Variants in IL1RAPL1 observed in about 807,000 individuals in gnomAD.
IL1RAPL1 encodes interleukin 1 receptor accessory protein like 1.
IL1RAPL1 carries 3 observed loss-of-function variants against 48.4 expected under a neutral mutation model. The observed-to-expected ratio is 0.06, with a 90% CI of 0.03 to 0.16. The LOEUF is 0.16. IL1RAPL1 is among the 10% of genes least tolerant of loss of function. The probability of loss-of-function intolerance (pLI) is 1.00; values close to 1 mark genes in which losing one functional copy is unlikely to be tolerated. For missense variants in IL1RAPL1, 349 were observed against 530.6 expected (o/e 0.66, Z 3.36); for synonymous variants, 185 against 187.7 (o/e 0.99, Z 0.12).
chrX:29,142,471 AC>A (rs997052344), intron 2 of IL1RAPL1, among the ~76,000 whole-genome samples: 2 of 111,898 alleles, frequency 1.8e-5, no homozygotes, highest in African/African-American at 6.5e-5. Context: ...GAACAACTGG[AC>A]CTTGAATCAG....
intron 4 of IL1RAPL1, 62 bp downstream of exon 4, chrX:29,396,506 C>T: frequency 9.6e-7 from 1 of 1,038,646 alleles, no homozygotes; most frequent in Non-Finnish European, 1.4e-6. Flanking sequence ...TATTCTGGGA[C>T]AAATTGGATA....
At chrX:29,486,955 A>G (rs1234603651) in intron 5 of IL1RAPL1, among the ~76,000 whole-genome samples, 1 of 111,752 alleles carries the variant, frequency 8.9e-6, no homozygotes, top group Non-Finnish European at 1.9e-5. Flanking sequence ...ATTGTGATTC[A>G]GTAAGTCTAG....
chrX:29,834,577 G>T (rs1013281826), intron 6 of IL1RAPL1, among the ~76,000 whole-genome samples: 2 of 90,135 alleles, frequency 2.2e-5, no homozygotes, highest in Non-Finnish European at 4.3e-5. Flanking sequence ...TACCACTTTT[G>T]GTTCTACTTG....
intron 6 of IL1RAPL1, among the ~76,000 whole-genome samples, chrX:29,896,429 G>A (rs746133405): frequency 2.7e-5 from 3 of 112,305 alleles, no homozygotes; most frequent in Non-Finnish European, 5.6e-5. Context: ...TAGAGCAGTA[G>A]GGTATTATAT....
At chrX:28,927,044 G>A in intron 2 of IL1RAPL1, among the ~76,000 whole-genome samples, 1 of 110,862 alleles carries the variant, frequency 9.0e-6, no homozygotes, top group Non-Finnish European at 1.9e-5. Flanking sequence ...ACAAGTGCAT[G>A]CCACCACGCC....
chrX:28,973,816 C>T (rs886611239), intron 2 of IL1RAPL1, among the ~76,000 whole-genome samples: 1 of 111,918 alleles, frequency 8.9e-6, no homozygotes, highest in Non-Finnish European at 1.9e-5. Context: ...TTATGGTTAG[C>T]CTCTGCTTCA....
At chrX:29,891,341 T>A (rs193124147) in intron 6 of IL1RAPL1, among the ~76,000 whole-genome samples, 1 of 112,311 alleles carries the variant, frequency 8.9e-6, no homozygotes, top group Non-Finnish European at 1.9e-5. Context: ...GCTTCTGGAC[T>A]TTCCCTTGAT....
Position 29,129,171 on chromosome X carries a change from G to T in IL1RAPL1, c.83-153767G>T, listed in dbSNP as rs954041490. Among the ~76,000 whole-genome samples the T allele has an allele frequency of 2.8e-5, 3 of 107,797 alleles. No homozygotes were observed. In the Admixed American group the frequency reaches 3.1e-4, roughly 11 times the overall value. 93.6% of individuals were successfully genotyped at this position (107,797 alleles called of 115,157 possible). Reference sequence around the variant, plus strand: ...AAATTCTCCTGCCTCAGCCTGCCAAGTAGCTGGGATTACAGGCATGTGCCA... The same window carrying T: ...AAATTCTCCTGCCTCAGCCTGCCAATTAGCTGGGATTACAGGCATGTGCCA... On this transcript the variant is annotated intron_variant, in intron 2 of 10. Coordinates refer to ENST00000378993, the MANE Select transcript of IL1RAPL1 (RefSeq NM_014271.4).
intron 1 of IL1RAPL1, among the ~76,000 whole-genome samples, chrX:28,730,268 G>T (rs1448420010): frequency 9.0e-6 from 1 of 111,522 alleles, no homozygotes; most frequent in African/African-American, 3.3e-5. Flanking sequence ...CAAAAATTGA[G>T]ATGACCTGAA....
intron 2 of IL1RAPL1, among the ~76,000 whole-genome samples, chrX:28,957,640 T>C (rs943784974): frequency 2.7e-5 from 3 of 110,874 alleles, no homozygotes; most frequent in Non-Finnish European, 5.7e-5. Context: ...TGATCACTTG[T>C]AGAACGGGAT....
rs930108192 is a variant in IL1RAPL1, at chrX:28,774,155, T to A, written c.-24-15165T>A. Among the ~76,000 whole-genome samples the A allele has an allele frequency of 2.7e-5, 3 of 112,050 alleles. No homozygotes were observed. The Admixed American group carries it at 2.9e-4, about 11-fold the overall frequency. ...GACCTCAATCCTGAGCCCTCCCTTA[T>A]ATTTTTCCCTCTTTAGATGACTGCA... is the stretch of plus-strand genomic sequence containing the variant. On this transcript the variant is annotated intron_variant, in intron 1 of 10. Transcript: ENST00000378993.
intron 6 of IL1RAPL1, among the ~76,000 whole-genome samples, chrX:29,744,839 A>T (rs1005516426): frequency 3.0e-4 from 34 of 112,582 alleles, no homozygotes; most frequent in African/African-American, 1.1e-3. Context: ...GAGGAATACA[A>T]TGGTCATTGA....
At chrX:28,971,906 G>A (rs1408245225) in intron 2 of IL1RAPL1, among the ~76,000 whole-genome samples, 1 of 108,417 alleles carries the variant, frequency 9.2e-6, no homozygotes, top group Non-Finnish European at 1.9e-5. Context: ...GTGTGTGTGT[G>A]TGTGTGTGTG....
At chrX:29,375,839 G>A (rs1053418460) in intron 3 of IL1RAPL1, among the ~76,000 whole-genome samples, 4 of 112,067 alleles carry the variant, frequency 3.6e-5, no homozygotes, top group Non-Finnish European at 5.6e-5. Context: ...TTTCTAATTT[G>A]TTTGCATAGA....
chrX:29,400,380 T>C (rs1159452911), intron 5 of IL1RAPL1, among the ~76,000 whole-genome samples: 1 of 112,739 alleles, frequency 8.9e-6, no homozygotes, highest in Non-Finnish European at 1.9e-5. Context: ...TATATCCAAA[T>C]GTGCATAATT....
chrX:29,951,778 A>T (rs1220662168), intron 9 of IL1RAPL1, among the ~76,000 whole-genome samples: 1 of 111,958 alleles, frequency 8.9e-6, no homozygotes, highest in Non-Finnish European at 1.9e-5. Flanking sequence ...GTGAAGTGTG[A>T]GGTGCATGAT....
intron 5 of IL1RAPL1, among the ~76,000 whole-genome samples, chrX:29,523,802 A>G (rs755979676): frequency 2.2e-3 from 248 of 111,677 alleles, no homozygotes; most frequent in Non-Finnish European, 4.0e-3. Context: ...TTTCTATGAT[A>G]GTTTAATTTA....
intron 2 of IL1RAPL1, among the ~76,000 whole-genome samples, chrX:29,075,451 G>A (rs1464412999): frequency 2.7e-5 from 3 of 111,625 alleles, no homozygotes; most frequent in African/African-American, 9.8e-5. Flanking sequence ...TTGAGAAAGA[G>A]CAATGACACA....
At chrX:29,502,565 TA>T (rs1935286791) in intron 5 of IL1RAPL1, among the ~76,000 whole-genome samples, 1 of 111,903 alleles carries the variant, frequency 8.9e-6, no homozygotes, top group Non-Finnish European at 1.9e-5. Flanking sequence ...TTTCAGTATC[TA>T]TTGAAATGAT....
Sources: allele counts gnomAD v4.1 joint callset (sites outside exome capture counted in the v4.1 genomes callset), GRCh38; gene constraint gnomAD v4.1.1; transcripts MANE v1.5; gene names NCBI Gene and HGNC (gene_info 2026-07-23, HGNC 2026-07-21).